The following TFDP2 variants were observed in gnomAD, a reference collection of about 807,000 sequenced individuals.
TFDP2 encodes transcription factor Dp-2, also known as transcription factor Dp-2 (E2F dimerization partner 2).
In TFDP2, 17 loss-of-function variants were observed where a neutral mutation model predicts 59.3. The observed-to-expected ratio is 0.29, with a 90% CI of 0.20 to 0.43. The LOEUF is 0.43. TFDP2 is among the 20% of genes least tolerant of loss of function. The pLI is 1.00. For missense variants in TFDP2, 391 were observed against 528.8 expected (o/e 0.74, Z 2.56); for synonymous variants, 180 against 194.7 (o/e 0.92, Z 0.63).
chr3:141,993,658 TA>T, intron 5 of TFDP2, 73 bp from the exon 6 acceptor site: 1 of 879,232 alleles, frequency 1.1e-6, no homozygotes, highest in South Asian at 1.8e-5. Flanking sequence ...TACTTTATTA[TA>T]ACTTGTCTAA....
At chr3:142,051,018 A>G (rs1947599213) in intron 3 of TFDP2, among the ~76,000 whole-genome samples, 2 of 152,242 alleles carry the variant, frequency 1.3e-5, no homozygotes, top group South Asian at 4.1e-4. Context: ...AGTATAGCTC[A>G]AACAACTTTG....
intron 3 of TFDP2, among the ~76,000 whole-genome samples, chr3:142,040,130 C>CAA (rs985515254): frequency 1.3e-5 from 2 of 151,888 alleles, no homozygotes; most frequent in African/African-American, 2.4e-5. Flanking sequence ...CACACACACA[C>CAA]ACACACACAG....
At chr3:142,038,115 T>TG (rs1232398908) in intron 3 of TFDP2, among the ~76,000 whole-genome samples, 1 of 152,184 alleles carries the variant, frequency 6.6e-6, no homozygotes, top group Non-Finnish European at 1.5e-5. Flanking sequence ...CCAGGCGCAG[T>TG]GGCACACGCC....
intron 3 of TFDP2, among the ~76,000 whole-genome samples, chr3:142,065,588 T>G (rs2060050823): frequency 6.6e-6 from 1 of 152,016 alleles, no homozygotes; most frequent in Non-Finnish European, 1.5e-5. Flanking sequence ...CTCGGCTCAC[T>G]GCAACCTCTG....
chr3:142,009,391 C>T (rs1944462068), intron 3 of TFDP2, among the ~76,000 whole-genome samples: 1 of 152,118 alleles, frequency 6.6e-6, no homozygotes, highest in Admixed American at 6.6e-5. Context: ...AGTTTCCCTA[C>T]CTTGTAATTG....
chr3:141,953,213 G>GA lies in TFDP2; in HGVS notation c.1052-198dup, dbSNP rs140575104. ...AAAAATTTCTAGAACATAAGAGCAG[G>GA]AAAAAAAAAATACGGGAAGGCAGCT... On this transcript the variant is annotated intron_variant, in intron 11 of 12. Transcript: ENST00000489671. Among the ~76,000 whole-genome samples, 50 of 148,152 alleles carry GA rather than the reference G, an allele frequency of 3.4e-4. No individual in the cohort carries two copies. In the South Asian group the frequency reaches 4.3e-3, roughly 13 times the overall value.
Position 141,959,733 on chromosome 3 carries a change from A to G in TFDP2, c.992T>C (p.Leu331Pro). The stretch of plus-strand genomic sequence containing the variant: ...GGATTTCGCAAGTTTCAGATCCTCC[A>G]GAGAGCATTTGCCTGACTCCAGGCC... ...SFGLESGKCS[L>P]EDLKLAKSLV... Residue 331 changes from leucine (L) to proline (P), a missense_variant, in exon 11 of 13, where the codon CTG becomes CCG. Physicochemically the swap from Leu to Pro is moderately conservative, Grantham distance 98. This residue lies in a region of TFDP2 where 223 missense variants were observed against 292.5 expected (regional missense o/e 0.76). Coordinates refer to ENST00000489671, the MANE Select transcript of TFDP2 (RefSeq NM_001178139.2). The G allele has an allele frequency of 6.2e-7, 1 of 1,614,216 alleles. No homozygotes were observed. Among genetic ancestry groups the G allele is most frequent in the Non-Finnish European group, 8.5e-7 (1 of 1,180,040 alleles).
At chr3:142,125,587 A>G (rs1044788217) in intron 1 of TFDP2, among the ~76,000 whole-genome samples, 4 of 152,194 alleles carry the variant, frequency 2.6e-5, no homozygotes, top group Admixed American at 6.5e-5. Context: ...CTGCGTATCA[A>G]TAGTAGACTA....
chr3:142,008,037 T>C (rs1289886501), intron 3 of TFDP2, among the ~76,000 whole-genome samples: 2 of 152,136 alleles, frequency 1.3e-5, no homozygotes, highest in Non-Finnish European at 2.9e-5. Flanking sequence ...CAACTTCATA[T>C]CTGGTTTGAA....
chr3:141,999,896 C>T (rs1366207291), intron 4 of TFDP2, among the ~76,000 whole-genome samples: 3 of 152,018 alleles, frequency 2.0e-5, no homozygotes, highest in Non-Finnish European at 4.4e-5. Context: ...CCACCACGCC[C>T]GGCTAATTTT....
Position 141,959,799 on chromosome 3 carries a change from T to C in TFDP2, c.926A>G (p.His309Arg). The change falls in exon 11 of 13, where the codon CAT becomes CGT. Residue 309 changes from histidine (H) to arginine (R), a missense_variant. By Grantham distance (29) the His-to-Arg change is conservative (BLOSUM62 0). Transcript: ENST00000489671. ...LFNFDNTFEI[H>R]DDIEVLKRMG... is the part of the protein sequence containing the mutation. The stretch of plus-strand genomic sequence containing the variant: ...CCGCTTTAGTACTTCTATGTCATCA[T>C]GGATCTCAAAGGTGTTGTCAAAATT... 1.9e-6 allele frequency: 3 copies of C among 1,614,194 alleles called. No homozygotes were observed. The highest frequency in any genetic ancestry group is 2.5e-6 in the Non-Finnish European group (3 of 1,180,018).
At chr3:142,115,360 T>G (rs1299467082) in intron 1 of TFDP2, among the ~76,000 whole-genome samples, 2 of 147,764 alleles carry the variant, frequency 1.4e-5, no homozygotes, top group Admixed American at 1.4e-4. Flanking sequence ...GCTCTCTCGC[T>G]CAGGCTGGAG....
intron 3 of TFDP2, among the ~76,000 whole-genome samples, chr3:142,017,874 A>G (rs1945263213): frequency 6.6e-6 from 1 of 151,686 alleles, no homozygotes; most frequent in Admixed American, 6.6e-5. Flanking sequence ...TATCAGTCTG[A>G]GCGTTGCTTT....
At chr3:142,127,352 C>G (rs1223698466) in intron 1 of TFDP2, among the ~76,000 whole-genome samples, 1 of 143,292 alleles carries the variant, frequency 7.0e-6, no homozygotes, top group Non-Finnish European at 1.5e-5. Flanking sequence ...GTGTTGCCAG[C>G]CTGCAGTGCA....
chr3:141,999,737 C>CT (rs1016787088), intron 4 of TFDP2, among the ~76,000 whole-genome samples: 4,122 of 140,138 alleles, frequency 0.029, 118 homozygotes, highest in African/African-American at 0.075. Context: ...GCAAGAATTC[C>CT]TTTTTTTTTT....
At chr3:142,051,289 A>G (rs1413118444) in intron 3 of TFDP2, among the ~76,000 whole-genome samples, 1 of 152,196 alleles carries the variant, frequency 6.6e-6, no homozygotes, top group African/African-American at 2.4e-5. Context: ...CCTGTAATCC[A>G]GCACTTTGGG....
At position 141,979,456 on chromosome 3, in the gene TFDP2, C is replaced by T. The variant is rs187511457; in HGVS notation, c.357-774G>A. On this transcript the variant is annotated intron_variant, in intron 6 of 12. Coordinates refer to ENST00000489671, the MANE Select transcript of TFDP2 (RefSeq NM_001178139.2). ...ATCCTTCAGGAGGTATCCAGAAGAA[C>T]GCATTGTTATCACAGGAAATGACAG... Among the ~76,000 whole-genome samples, 43 of 152,270 alleles carry T rather than the reference C, an allele frequency of 2.8e-4. No individual in the cohort carries two copies. The Middle Eastern group carries it at 0.017, about 60-fold the overall frequency.
At chr3:142,116,275 G>A (rs967903686) in intron 1 of TFDP2, among the ~76,000 whole-genome samples, 1 of 152,052 alleles carries the variant, frequency 6.6e-6, no homozygotes, top group Non-Finnish European at 1.5e-5. Flanking sequence ...ATGTAGCCGA[G>A]GCTGGTCTTG....
chr3:141,950,446 A>G lies in TFDP2; in HGVS notation c.*2067T>C, dbSNP rs1935823377. Reference sequence around the variant, plus strand: ...TCTTTTTTTGAGCCCATATTTTATCAATTTAAAGCATGAGAGCAGCAGAGA... The same window carrying G: ...TCTTTTTTTGAGCCCATATTTTATCGATTTAAAGCATGAGAGCAGCAGAGA... On this transcript the variant is annotated 3_prime_UTR_variant, in exon 13 of 13. Transcript: ENST00000489671. 1 of 152,584 alleles carries G rather than the reference A, an allele frequency of 6.6e-6. No individual in the cohort carries two copies. The highest frequency in any genetic ancestry group is 2.4e-5 in the African/African-American group (1 of 41,444). The allele number at this position is 152,584 out of a possible 1,614,324, so 9.5% of individuals were successfully genotyped here. A position where few individuals can be genotyped will look rare whatever the true frequency, so the allele number is the denominator to read the frequency against.
Sources: gnomAD v4.1 joint callset for allele counts (sites outside exome capture counted in the v4.1 genomes callset) on GRCh38, gnomAD v4.1.1 for gene constraint, gnomAD v4.1.1 regional missense constraint, MANE v1.5 for transcripts, NCBI Gene and HGNC (gene_info 2026-07-23, HGNC 2026-07-21) for gene names.